The following FGD6 variants were observed in gnomAD, a reference collection of about 807,000 sequenced individuals.
FGD6 encodes the protein FYVE, RhoGEF and PH domain containing 6.
FGD6 carries 90 observed loss-of-function variants against 149.4 expected under a neutral mutation model. The ratio of observed to expected loss-of-function variants is 0.60; its 90% CI spans 0.51 to 0.72. The LOEUF (loss-of-function observed/expected upper bound fraction) is 0.72, where lower values mean the gene tolerates loss of function less well. FGD6 is among the 30% of genes least tolerant of loss of function. The pLI, the probability that FGD6 is intolerant of heterozygous loss-of-function variation, is 0.00. For missense variants in FGD6, 1,437 were observed against 1,684.8 expected (o/e 0.85, Z 2.57); for synonymous variants, 527 against 584.0 (o/e 0.90, Z 1.41).
intron 2 of FGD6, among the ~76,000 whole-genome samples, chr12:95,174,711 G>A (rs1251081569): frequency 6.6e-5 from 10 of 151,944 alleles, no homozygotes; most frequent in East Asian, 3.9e-4. Context: ...GGTGGATCAC[G>A]AGGTCAGGAG....
chr12:95,099,835 C>T (rs1405101512), intron 14 of FGD6, among the ~76,000 whole-genome samples: 2 of 152,184 alleles, frequency 1.3e-5, no homozygotes, highest in African/African-American at 2.4e-5. Context: ...TGGCCCCTAA[C>T]TCTTGCCCCT....
chr12:95,209,320 C>T lies in FGD6; in HGVS notation c.1964G>A (p.Gly655Glu). 6.2e-7 allele frequency: 1 copy of T among 1,613,598 alleles called. No individual in the cohort carries two copies. Among genetic ancestry groups the T allele is most frequent in the Non-Finnish European group, 8.5e-7 (1 of 1,179,788 alleles). ...QKFWSKSSQL[G>E]DTTTGHLSSG... ...GGAGAGGTGGCCTGTGGTGGTGTCT[C>T]CGAGTTGGCTACTCTTGGACCAAAA... The change falls in exon 2 of 21, where the codon GGA (glycine) becomes GAA (glutamate). Residue 655 changes from glycine (G) to glutamate (E), a missense_variant. Physicochemically the swap from Gly to Glu is moderately conservative, Grantham distance 98. Around this residue, in one of 2 missense-constraint regions of FGD6, gnomAD observed 1,055 missense variants for 1,146.0 expected, o/e 0.92. Coordinates refer to ENST00000343958, the MANE Select transcript of FGD6 (RefSeq NM_018351.4).
At chr12:95,116,734 A>G (rs144732510) in intron 8 of FGD6, 107 of 431,034 alleles carry the variant, frequency 2.5e-4, no homozygotes, top group African/African-American at 2.1e-3. Context: ...ACAAAATCCA[A>G]CTCTCCAACT....
At chr12:95,094,568 A>G in intron 15 of FGD6, 24 bp downstream of exon 15, 1 of 1,544,392 alleles carries the variant, frequency 6.5e-7, no homozygotes, top group Non-Finnish European at 8.8e-7. Flanking sequence ...CACTGGAAAA[A>G]AAAAAAAAAG....
intron 9 of FGD6, among the ~76,000 whole-genome samples, chr12:95,111,164 T>C (rs1473194405): frequency 6.6e-6 from 1 of 152,096 alleles, no homozygotes; most frequent in Non-Finnish European, 1.5e-5. Context: ...GTATTTTTAG[T>C]AGCAAAGGGT....
At chr12:95,120,289 T>G (rs912594265) in intron 8 of FGD6, among the ~76,000 whole-genome samples, 1 of 151,650 alleles carries the variant, frequency 6.6e-6, no homozygotes, top group Non-Finnish European at 1.5e-5. Flanking sequence ...CTTCCATATT[T>G]CAGATTCTTT....
chr12:95,177,003 T>C (rs182274054), intron 2 of FGD6, among the ~76,000 whole-genome samples: 10 of 152,240 alleles, frequency 6.6e-5, no homozygotes, highest in Middle Eastern at 3.4e-3. Flanking sequence ...AATTTTTGTA[T>C]TTTTAGTAGA....
At chr12:95,156,808 C>T (rs1880486848) in intron 3 of FGD6, among the ~76,000 whole-genome samples, 1 of 152,134 alleles carries the variant, frequency 6.6e-6, no homozygotes, top group Non-Finnish European at 1.5e-5. Flanking sequence ...CCCTTTATTT[C>T]TCAGACCAGC....
intron 14 of FGD6, among the ~76,000 whole-genome samples, chr12:95,103,735 C>A (rs1878521774): frequency 6.6e-6 from 1 of 152,170 alleles, no homozygotes; most frequent in South Asian, 2.1e-4. Context: ...TGGGGTTTCA[C>A]CATGTTGGCC....
intron 3 of FGD6, among the ~76,000 whole-genome samples, chr12:95,169,557 G>T (rs1440173715): frequency 6.6e-6 from 1 of 152,190 alleles, no homozygotes; most frequent in Non-Finnish European, 1.5e-5. Context: ...CAACCAGGCG[G>T]TGTTATCACA....
At chr12:95,164,185 T>G (rs1565913085) in intron 3 of FGD6, among the ~76,000 whole-genome samples, 1 of 152,126 alleles carries the variant, frequency 6.6e-6, no homozygotes, top group Non-Finnish European at 1.5e-5. Flanking sequence ...GAAATCTAGT[T>G]TTATGTTCCA....
At chr12:95,132,634 C>G (rs1264419810) in intron 8 of FGD6, among the ~76,000 whole-genome samples, 1 of 152,080 alleles carries the variant, frequency 6.6e-6, no homozygotes, top group Non-Finnish European at 1.5e-5. Context: ...CGCCTGTAGT[C>G]CCAGCTACTC....
intron 8 of FGD6, among the ~76,000 whole-genome samples, chr12:95,128,372 G>C (rs1395004038): frequency 6.6e-6 from 1 of 152,170 alleles, no homozygotes; most frequent in African/African-American, 2.4e-5. Flanking sequence ...CAGTAGCTGG[G>C]ATGACCGGTG....
In FGD6 at chr12:95,125,865, G is replaced by A. The variant is rs7307507; in HGVS notation, c.3082+8874C>T. 3,623 of 1,136,794 alleles carry A rather than the reference G, an allele frequency of 3.2e-3. 78 individuals are homozygous for A. The African/African-American group carries it at 0.049, about 15-fold the overall frequency. The allele number at this position is 1,136,794 out of a possible 1,614,324, so 70.4% of individuals were successfully genotyped here. A position where few individuals can be genotyped will look rare whatever the true frequency, so the allele number is the denominator to read the frequency against. ...CATAGATGTTATTGATCAGAACAGG[G>A]CTTTGGTTGGTGGACCTTGCGCTCA... On this transcript the variant is annotated intron_variant, in intron 8 of 20. Coordinates refer to ENST00000343958, the MANE Select transcript of FGD6 (RefSeq NM_018351.4).
At chr12:95,121,597 T>C (rs980684387) in intron 8 of FGD6, among the ~76,000 whole-genome samples, 3 of 151,324 alleles carry the variant, frequency 2.0e-5, no homozygotes, top group African/African-American at 7.3e-5. Context: ...TAATTCTTCA[T>C]ATTTAGCTCT....
intron 3 of FGD6, among the ~76,000 whole-genome samples, chr12:95,161,997 C>A (rs1444445120): frequency 6.6e-6 from 1 of 151,172 alleles, no homozygotes; most frequent in Non-Finnish European, 1.5e-5. Context: ...ACACAGGGCA[C>A]CATGGTTCAC....
rs1491363851 is a variant in FGD6, at chr12:95,158,162, ACT to A, written c.2587-5171_2587-5170del. 8.4e-4 allele frequency among the ~76,000 whole-genome samples: 58 copies of A among 68,674 alleles called. No homozygotes were observed. The East Asian group carries it at 0.02, about 24-fold the overall frequency. The allele number at this position is 68,674 out of a possible 152,430, so 45.1% of individuals were successfully genotyped here. The stretch of plus-strand genomic sequence containing the variant: ...ACCGTGCCTGGCCATACATTCACTC[ACT>A]TTTTTTTTTTTTTTTTTTTTTTTAA... On this transcript the variant is annotated intron_variant, in intron 3 of 20. Coordinates refer to ENST00000343958, the MANE Select transcript of FGD6 (RefSeq NM_018351.4).
intron 2 of FGD6, among the ~76,000 whole-genome samples, chr12:95,195,245 G>A (rs1881707043): frequency 6.6e-6 from 1 of 152,102 alleles, no homozygotes; most frequent in Non-Finnish European, 1.5e-5. Context: ...CCCTCCAGCA[G>A]GTAAAATGTC....
rs1394331855 is a variant in FGD6 at position 95,210,479 on chromosome 12, A to T, written c.805T>A (p.Ser269Thr). Residue 269 changes from serine to threonine, a missense_variant, in exon 2 of 21, where the codon TCA becomes ACA. Ser to Thr is a moderately conservative substitution (Grantham distance 58). Transcript: ENST00000343958. ...DSEKSNNCFQ[S>T]SELEALENGK... ...TTTTCCAGAGCCTCTAGTTCAGATG[A>T]CTGAAAGCAATTATTGCTTTTTTCA... The T allele has an allele frequency of 2.5e-6, 4 of 1,614,032 alleles. No individual in the cohort carries two copies. Among genetic ancestry groups the T allele is most frequent in the Non-Finnish European group, 3.4e-6 (4 of 1,180,010 alleles).
Sources: allele counts gnomAD v4.1 joint callset (sites outside exome capture counted in the v4.1 genomes callset), GRCh38; gene constraint gnomAD v4.1.1; regional missense constraint gnomAD v4.1.1; transcripts MANE v1.5; gene names NCBI Gene and HGNC (gene_info 2026-07-23, HGNC 2026-07-21).